Variants in CSGALNACT1 observed in about 807,000 individuals in gnomAD.
The protein encoded by CSGALNACT1 is beta4GalNAcT-1.
Under a neutral mutation model 51.0 loss-of-function variants are expected in CSGALNACT1, and 52 were observed. That is an observed-to-expected ratio of 1.02 (90% confidence interval 0.82 to 1.29). The LOEUF is 1.29. CSGALNACT1 is among the 50% of genes most tolerant of loss of function. The pLI is 0.00. For synonymous variants in CSGALNACT1, 341 were observed against 254.4 expected (o/e 1.34, Z -3.24); for missense variants, 935 against 679.2 (o/e 1.38, Z -4.19).
intron 1 of CSGALNACT1, among the ~76,000 whole-genome samples, chr8:19,633,705 CT>C (rs1393620543): frequency 6.6e-6 from 1 of 152,178 alleles, no homozygotes; most frequent in Non-Finnish European, 1.5e-5. Flanking sequence ...AGATTTCAGA[CT>C]TCTAACCTCC....
chr8:19,656,304 C>A (rs914035888), intron 1 of CSGALNACT1, among the ~76,000 whole-genome samples: 1 of 152,152 alleles, frequency 6.6e-6, no homozygotes. Context: ...TCCTAAAAGT[C>A]TGGAATCAAA....
intron 1 of CSGALNACT1, among the ~76,000 whole-genome samples, chr8:19,680,152 A>T (rs1258360972): frequency 6.6e-6 from 1 of 152,230 alleles, no homozygotes; most frequent in Non-Finnish European, 1.5e-5. Flanking sequence ...TACCTGAAAT[A>T]GTATAGTTGG....
At chr8:19,446,451 C>G (rs1025888533) in intron 5 of CSGALNACT1, among the ~76,000 whole-genome samples, 1 of 152,108 alleles carries the variant, frequency 6.6e-6, no homozygotes, top group Non-Finnish European at 1.5e-5. Flanking sequence ...CACGAGCTCC[C>G]CATTCCCACT....
chr8:19,570,089 C>T (rs1039421563), intron 3 of CSGALNACT1, among the ~76,000 whole-genome samples: 1 of 145,960 alleles, frequency 6.9e-6, no homozygotes, highest in African/African-American at 2.6e-5. Flanking sequence ...AGATTGGGGG[C>T]CTATTTTTTT....
chr8:19,500,731 T>A (rs2076271140), intron 4 of CSGALNACT1, among the ~76,000 whole-genome samples: 1 of 152,230 alleles, frequency 6.6e-6, no homozygotes, highest in Admixed American at 6.5e-5. Context: ...TTTATAGCTA[T>A]CTCCCTGTGT....
At chr8:19,490,540 ACT>A (rs2074140645) in intron 4 of CSGALNACT1, among the ~76,000 whole-genome samples, 1 of 152,108 alleles carries the variant, frequency 6.6e-6, no homozygotes, top group Admixed American at 6.5e-5. Flanking sequence ...GTTCCACCAA[ACT>A]CTTGCTTAGA....
rs148989272 is a variant in CSGALNACT1, at chr8:19,439,108, C to T, written c.953+722G>A. ...GGGCAAACTACAGGCCAGCGTGCAGCGCCATTCTGGCTTACATACTGGTAG... is the reference window on the plus strand; with the variant it reads ...GGGCAAACTACAGGCCAGCGTGCAGTGCCATTCTGGCTTACATACTGGTAG... On this transcript the variant is annotated intron_variant, in intron 6 of 9. Coordinates refer to ENST00000454498, the Ensembl canonical transcript of CSGALNACT1. Among the ~76,000 whole-genome samples the T allele has an allele frequency of 7.2e-5, 11 of 152,318 alleles. No homozygotes were observed. The East Asian group carries it at 1.2e-3, about 16-fold the overall frequency.
intron 4 of CSGALNACT1, among the ~76,000 whole-genome samples, chr8:19,500,947 G>A (rs1380741771): frequency 6.6e-6 from 1 of 152,130 alleles, no homozygotes; most frequent in Non-Finnish European, 1.5e-5. Context: ...GTCCTCCCAG[G>A]ATAAAAGGCA....
intron 1 of CSGALNACT1, among the ~76,000 whole-genome samples, chr8:19,610,326 G>T (rs1465435505): frequency 6.7e-6 from 1 of 150,084 alleles, no homozygotes; most frequent in Non-Finnish European, 1.5e-5. Context: ...CAGAAGAGGG[G>T]AAGGGAAGTG....
intron 1 of CSGALNACT1, among the ~76,000 whole-genome samples, chr8:19,659,747 G>C (rs182667004): frequency 6.6e-6 from 1 of 152,226 alleles, no homozygotes; most frequent in Admixed American, 6.5e-5. Context: ...TCCTGTTGTT[G>C]CTTAAGAGCA....
chr8:19,662,376 T>G (rs934055442), intron 1 of CSGALNACT1, among the ~76,000 whole-genome samples: 2 of 151,958 alleles, frequency 1.3e-5, no homozygotes, highest in African/African-American at 2.4e-5. Flanking sequence ...GAAAGATTCT[T>G]GCCTCTAAAA....
At position 19,512,503 on chromosome 8, in the gene CSGALNACT1, C is replaced by A. The variant is rs536936568; in HGVS notation, c.-296-6373G>T. Among the ~76,000 whole-genome samples the A allele has an allele frequency of 9.2e-5, 14 of 152,314 alleles. No individual in the cohort carries two copies. The South Asian group carries it at 2.9e-3, about 32-fold the overall frequency. ...GATAGATAACTAATTCACAGGGTCA[C>A]AGACTTCAGATTTACATAAAAATGC... On this transcript the variant is annotated intron_variant, in intron 3 of 9. Coordinates refer to ENST00000454498, the Ensembl canonical transcript of CSGALNACT1.
At chr8:19,429,168 C>A (rs137959722) in intron 6 of CSGALNACT1, among the ~76,000 whole-genome samples, 2 of 151,842 alleles carry the variant, frequency 1.3e-5, no homozygotes, top group South Asian at 2.1e-4. Context: ...CATTATCAAC[C>A]TTTTTTGTTG....
rs531958393 is a variant in CSGALNACT1 at position 19,555,301 on chromosome 8, C to T, written c.-297+35859G>A. Among the ~76,000 whole-genome samples the T allele has an allele frequency of 1.9e-4, 29 of 151,902 alleles. 1 individual carries two copies. Among genetic ancestry groups the T allele is most frequent in the Non-Finnish European group, 1.8e-4 (12 of 67,960 alleles). ...GGTCAGTTATAGGAGTTAAAAGCAG[C>T]TCTCTAAGGGGGACCATCAATATCA... On this transcript the variant is annotated intron_variant, in intron 3 of 9. Transcript: ENST00000454498.
At position 19,756,270 on chromosome 8, in the gene CSGALNACT1, T is replaced by C. The variant is rs535898285; in HGVS notation, c.-297+1580A>G. Reference sequence around the variant, plus strand: ...AGAACACTTCATTACCTTTATTATCTAGACGTATCTAATGACGTTAAGTAA... The same window carrying C: ...AGAACACTTCATTACCTTTATTATCCAGACGTATCTAATGACGTTAAGTAA... On this transcript the variant is annotated intron_variant, in intron 1 of 1. Coordinates refer to the CSGALNACT1 transcript ENST00000517494. Among the ~76,000 whole-genome samples, 12 of 152,254 alleles carry C rather than the reference T, an allele frequency of 7.9e-5. No homozygotes were observed. The East Asian group carries it at 1.2e-3, about 15-fold the overall frequency.
At chr8:19,456,796 T>TA (rs1282216527) in intron 5 of CSGALNACT1, among the ~76,000 whole-genome samples, 1 of 152,190 alleles carries the variant, frequency 6.6e-6, no homozygotes, top group African/African-American at 2.4e-5. Flanking sequence ...TCCAGCTAAT[T>TA]AAAAGAAATT....
At chr8:19,408,939 T>C (rs147856038) in intron 8 of CSGALNACT1, among the ~76,000 whole-genome samples, 1,558 of 80,178 alleles carry the variant, frequency 0.019, 19 homozygotes, top group African/African-American at 0.058. Context: ...TTCTAGGGCA[T>C]AGATATGAAA....
chr8:19,521,095 C>T (rs1014748327), intron 3 of CSGALNACT1, among the ~76,000 whole-genome samples: 1 of 152,054 alleles, frequency 6.6e-6, no homozygotes, highest in Non-Finnish European at 1.5e-5. Context: ...GCAAAGGGCC[C>T]CTCATTTCAA....
At chr8:19,666,013 G>T (rs1434894378) in intron 1 of CSGALNACT1, among the ~76,000 whole-genome samples, 1 of 152,090 alleles carries the variant, frequency 6.6e-6, no homozygotes, top group Non-Finnish European at 1.5e-5. Context: ...CTTCATCACA[G>T]CTCTCACATG....
Sources: gnomAD v4.1 joint callset for allele counts (sites outside exome capture counted in the v4.1 genomes callset) on GRCh38, gnomAD v4.1.1 for gene constraint, MANE v1.5 for transcripts, NCBI Gene and HGNC (gene_info 2026-07-23, HGNC 2026-07-21) for gene names.